The following GREB1L variants were observed in gnomAD, a reference collection of about 807,000 sequenced individuals.
The protein encoded by GREB1L is GREB1 like retinoic acid receptor coactivator, also known as GREB1-like protein.
GREB1L carries 17 observed loss-of-function variants against 200.8 expected under a neutral mutation model. The observed-to-expected ratio is 0.08, with a 90% CI of 0.06 to 0.13. The LOEUF is 0.13. Among genes scored for constraint, GREB1L ranks in the 10% least tolerant of loss-of-function variants. GREB1L has a pLI of 1.00. For missense variants in GREB1L, 1,657 were observed against 2,367.7 expected, an observed-to-expected ratio of 0.70 and a Z score of 6.23; for synonymous variants, 789 against 893.0, an observed-to-expected ratio of 0.88 and a Z score of 2.08.
At chr18:21,415,385 G>A (rs755304225) in intron 7 of GREB1L, among the ~76,000 whole-genome samples, 19 of 152,194 alleles carry the variant, frequency 1.2e-4, no homozygotes, top group South Asian at 6.2e-4. Context: ...GCATGATGGC[G>A]TGTGCCTGTA....
chr18:21,314,890 G>GGAA (rs1436761939), intron 1 of GREB1L, among the ~76,000 whole-genome samples: 1 of 152,150 alleles, frequency 6.6e-6, no homozygotes, highest in Admixed American at 6.5e-5. Flanking sequence ...GAAATTTAAT[G>GGAA]GACCTCAGAT....
chr18:21,477,651 T>TAATTACA (rs1386454373), intron 17 of GREB1L, among the ~76,000 whole-genome samples: 31 of 152,250 alleles, frequency 2.0e-4, no homozygotes, highest in African/African-American at 7.5e-4. Flanking sequence ...CCGGGTGTGC[T>TAATTACA]GGCACACGCC....
At position 21,268,511 on chromosome 18, in the gene GREB1L, G is replaced by GTATA. The variant is rs1324427104; in HGVS notation, c.-120+26127_-120+26130dup. 8.9e-3 allele frequency among the ~76,000 whole-genome samples: 595 copies of GTATA among 67,112 alleles called. 8 individuals are homozygous for GTATA. The highest frequency in any genetic ancestry group is 0.02 in the African/African-American group (420 of 20,572). 44.0% of individuals were successfully genotyped at this position (67,112 alleles called of 152,430 possible). A position where few individuals can be genotyped will look rare whatever the true frequency, so the allele number is the denominator to read the frequency against. On this transcript the variant is annotated intron_variant, in intron 1 of 32. Transcript: ENST00000424526. ...TGTGTATATATATACATATATATAT[G>GTATA]TATATATATATACACACACACACAC... is the stretch of plus-strand genomic sequence containing the variant.
chr18:21,330,819 C>G (rs2039096625), intron 1 of GREB1L, among the ~76,000 whole-genome samples: 1 of 152,030 alleles, frequency 6.6e-6, no homozygotes, highest in Admixed American at 6.6e-5. Flanking sequence ...CATATGCCAT[C>G]CCAACTCCCC....
intron 7 of GREB1L, among the ~76,000 whole-genome samples, chr18:21,427,504 CAA>C (rs112977379): frequency 0.37 from 56,349 of 151,364 alleles, 15,888 homozygotes; most frequent in African/African-American, 0.77. Context: ...GACCCTGCCT[CAA>C]AAAAACAAAA....
At chr18:21,516,386 C>A (rs566800554) in intron 29 of GREB1L, among the ~76,000 whole-genome samples, 26 of 152,150 alleles carry the variant, frequency 1.7e-4, no homozygotes, top group Non-Finnish European at 4.4e-5. Flanking sequence ...ATACCTAAAA[C>A]CTGTGACATA....
Position 21,436,850 on chromosome 18 carries a change from A to G in GREB1L, c.833-2671A>G, listed in dbSNP as rs557848303. The stretch of plus-strand genomic sequence containing the variant: ...CTCAGCCTCCCAAGTAGCTGGGACT[A>G]TAGGCACATGCTGCCGTGCCCAGCT... On this transcript the variant is annotated intron_variant, in intron 7 of 32. Coordinates refer to ENST00000424526, the MANE Select transcript of GREB1L (RefSeq NM_001142966.3). Among the ~76,000 whole-genome samples the G allele has an allele frequency of 1.6e-4, 24 of 151,996 alleles. No individual in the cohort carries two copies. In the East Asian group the frequency reaches 4.7e-3, roughly 30 times the overall value.
chr18:21,284,664 A>T (rs1447391672), intron 1 of GREB1L, among the ~76,000 whole-genome samples: 1 of 152,144 alleles, frequency 6.6e-6, no homozygotes, highest in Non-Finnish European at 1.5e-5. Flanking sequence ...GTATGGATGT[A>T]TGTTTTCATT....
At chr18:21,353,181 C>CAA (rs1236564333) in intron 1 of GREB1L, among the ~76,000 whole-genome samples, 40 of 105,772 alleles carry the variant, frequency 3.8e-4, no homozygotes, top group Non-Finnish European at 5.9e-4. Flanking sequence ...GACTCTGTCT[C>CAA]AAAAAAAAAA....
At chr18:21,384,488 G>T (rs533088056) in intron 4 of GREB1L, 85 bp downstream of exon 4, 2 of 1,046,954 alleles carry the variant, frequency 1.9e-6, no homozygotes, top group Non-Finnish European at 2.8e-6. Flanking sequence ...GGTGCTCAAG[G>T]CTGGAAACTA....
chr18:21,326,242 C>T (rs925664737), intron 1 of GREB1L, among the ~76,000 whole-genome samples: 3 of 151,492 alleles, frequency 2.0e-5, no homozygotes, highest in African/African-American at 7.3e-5. Context: ...ATTACACACA[C>T]ACATGCAAAA....
intron 16 of GREB1L, among the ~76,000 whole-genome samples, chr18:21,476,066 G>C (rs1250416468): frequency 5.5e-5 from 8 of 145,264 alleles, no homozygotes; most frequent in African/African-American, 2.0e-4. Context: ...GGGCATCTTT[G>C]CTCCTATGGA....
Position 21,515,565 on chromosome 18 carries a change from C to G in GREB1L, c.5050C>G (p.Pro1684Ala), listed in dbSNP as rs987094905. ...SKLTSQSLKA[P>A]FSRCHVHDFI... ...GCTGACTTCTCAGAGCCTAAAGGCCCCATTCTCTAGGTGTCACGTGCATGA... is the reference window on the plus strand; with the variant it reads ...GCTGACTTCTCAGAGCCTAAAGGCCGCATTCTCTAGGTGTCACGTGCATGA... The change falls in exon 29 of 33, where the codon CCA becomes GCA. Residue 1684 changes from proline (P) to alanine (A), a missense_variant. By Grantham distance (27) the Pro-to-Ala change is conservative (BLOSUM62 -1). Around this residue, in one of 9 missense-constraint regions of GREB1L, gnomAD observed 151 missense variants for 309.6 expected, o/e 0.49. Transcript: ENST00000424526. 1 of 1,551,616 alleles carries G rather than the reference C, an allele frequency of 6.4e-7. No homozygotes were observed. Among genetic ancestry groups the G allele is most frequent in the Non-Finnish European group, 8.7e-7 (1 of 1,146,964 alleles).
chr18:21,451,343 G>A (rs2034508499), intron 13 of GREB1L, 192 bp downstream of exon 13: 1 of 515,206 alleles, frequency 1.9e-6, no homozygotes, highest in African/African-American at 1.9e-5. Context: ...AAGGCCCATT[G>A]GTACTGGATT....
chr18:21,486,727 T>C (rs2036143352), intron 18 of GREB1L, among the ~76,000 whole-genome samples: 1 of 152,200 alleles, frequency 6.6e-6, no homozygotes, highest in South Asian at 2.1e-4. Flanking sequence ...CAGAGGTAGG[T>C]AGAGACATTA....
intron 17 of GREB1L, among the ~76,000 whole-genome samples, chr18:21,481,618 C>A (rs537562172): frequency 6.6e-6 from 1 of 151,966 alleles, no homozygotes; most frequent in East Asian, 1.9e-4. Flanking sequence ...CAGAATATTA[C>A]CACCACCCGA....
chr18:21,503,805 T>A (rs1179264342), intron 23 of GREB1L, among the ~76,000 whole-genome samples: 1 of 150,788 alleles, frequency 6.6e-6, no homozygotes, highest in Non-Finnish European at 1.5e-5. Flanking sequence ...CTCGAACTCC[T>A]AGCCTTAGGG....
chr18:21,337,140 G>A (rs1237874471), intron 1 of GREB1L, among the ~76,000 whole-genome samples: 1 of 152,068 alleles, frequency 6.6e-6, no homozygotes, highest in East Asian at 1.9e-4. Context: ...GATGATTATT[G>A]AAAGCTTGGT....
intron 1 of GREB1L, among the ~76,000 whole-genome samples, chr18:21,273,889 C>T (rs1293651867): frequency 6.6e-6 from 1 of 151,904 alleles, no homozygotes; most frequent in African/African-American, 2.4e-5. Flanking sequence ...TACTTTAATG[C>T]ATTTGTGCAT....
Sources: gnomAD v4.1 joint callset for allele counts (sites outside exome capture counted in the v4.1 genomes callset) on GRCh38, gnomAD v4.1.1 for gene constraint, gnomAD v4.1.1 regional missense constraint, MANE v1.5 for transcripts, NCBI Gene and HGNC (gene_info 2026-07-23, HGNC 2026-07-21) for gene names.